Variants in NRXN3 observed in about 807,000 individuals in gnomAD.
The protein encoded by NRXN3 is neurexin 3.
A neutral mutation model predicts 137.6 loss-of-function variants in NRXN3; 32 were observed. That is an observed-to-expected ratio of 0.23 (90% CI 0.18 to 0.31). NRXN3 has a LOEUF of 0.31. Among genes scored for constraint, NRXN3 ranks in the 10% least tolerant of loss-of-function variants. The probability of loss-of-function intolerance (pLI) is 1.00; values close to 1 mark genes in which losing one functional copy is unlikely to be tolerated. For missense variants in NRXN3, 1,574 were observed against 2,062.5 expected (o/e 0.76, Z 4.59); for synonymous variants, 798 against 784.5 (o/e 1.02, Z -0.29).
chr14:79,850,879 C>T (rs898338881), intron 20 of NRXN3, among the ~76,000 whole-genome samples: 10 of 152,146 alleles, frequency 6.6e-5, no homozygotes, highest in African/African-American at 2.2e-4. Context: ...GATATACATG[C>T]ATTATATTCA....
rs549598030 is a variant in NRXN3, at chr14:78,650,692, G to T, written c.1060-473G>T. Among the ~76,000 whole-genome samples the T allele has an allele frequency of 2.0e-5, 3 of 151,840 alleles. No homozygotes were observed. In the South Asian group the frequency reaches 6.3e-4, roughly 32 times the overall value. ...AATAAAGATAAAAGAAAAGAAAAAA[G>T]AAAAGAAAAGAAAAAAGGAAAAATA... On this transcript the variant is annotated intron_variant, in intron 5 of 20. Transcript: ENST00000335750.
At chr14:78,324,831 G>C (rs539881746) in intron 4 of NRXN3, among the ~76,000 whole-genome samples, 1 of 152,074 alleles carries the variant, frequency 6.6e-6, no homozygotes, top group Non-Finnish European at 1.5e-5. Flanking sequence ...GGAGATGGGA[G>C]TGAAGGTTGT....
chr14:79,565,342 T>C (rs1036183164), intron 16 of NRXN3, among the ~76,000 whole-genome samples: 1 of 100,724 alleles, frequency 9.9e-6, no homozygotes, highest in African/African-American at 5.0e-5. Context: ...TATATACATA[T>C]GTGTGCGTAT....
At chr14:79,145,229 G>A (rs7156473) in intron 15 of NRXN3, among the ~76,000 whole-genome samples, 74,983 of 151,990 alleles carry the variant, frequency 0.49, 21,331 homozygotes, top group East Asian at 0.74. Flanking sequence ...TGATTATTTA[G>A]GTAAAGTATA....
intron 4 of NRXN3, among the ~76,000 whole-genome samples, chr14:78,358,492 C>G (rs985807021): frequency 3.9e-5 from 6 of 152,296 alleles, no homozygotes; most frequent in Non-Finnish European, 8.8e-5. Flanking sequence ...TCTGAGCGGG[C>G]TGGTATAACC....
At chr14:78,332,915 G>A (rs2081012003) in intron 4 of NRXN3, among the ~76,000 whole-genome samples, 1 of 152,158 alleles carries the variant, frequency 6.6e-6, no homozygotes, top group Admixed American at 6.5e-5. Context: ...TACTTGTAAG[G>A]CCAGCCTGCC....
At chr14:79,018,182 C>T (rs2099582533) in intron 15 of NRXN3, among the ~76,000 whole-genome samples, 1 of 139,300 alleles carries the variant, frequency 7.2e-6, no homozygotes, top group East Asian at 2.4e-4. Flanking sequence ...GTTGCTTGAA[C>T]CTGGGAGACG....
chr14:79,279,148 C>G (rs1438270653), intron 15 of NRXN3, among the ~76,000 whole-genome samples: 3 of 151,992 alleles, frequency 2.0e-5, no homozygotes, highest in East Asian at 3.9e-4. Context: ...CACGGCGGGG[C>G]GGGAGCCGCG....
chr14:78,880,790 A>G (rs540196515), intron 10 of NRXN3, among the ~76,000 whole-genome samples: 1 of 152,336 alleles, frequency 6.6e-6, no homozygotes, highest in South Asian at 2.1e-4. Flanking sequence ...ATGTGCCTAC[A>G]AGCAGAAAGC....
chr14:79,687,569 T>C (rs2098700458), intron 17 of NRXN3, among the ~76,000 whole-genome samples: 1 of 152,164 alleles, frequency 6.6e-6, no homozygotes, highest in Non-Finnish European at 1.5e-5. Flanking sequence ...AACAAAGCAA[T>C]AAAGAAAATT....
At chr14:79,159,272 C>G (rs1216927254) in intron 15 of NRXN3, among the ~76,000 whole-genome samples, 3 of 151,686 alleles carry the variant, frequency 2.0e-5, no homozygotes, top group African/African-American at 7.3e-5. Context: ...AGTGATGAAG[C>G]CATGTTTCAT....
chr14:78,225,729 A>G (rs1188052195), intron 1 of NRXN3, among the ~76,000 whole-genome samples: 1 of 152,012 alleles, frequency 6.6e-6, no homozygotes, highest in African/African-American at 2.4e-5. Context: ...CTTCCCGAAC[A>G]TCCCATGATC....
At chr14:78,467,701 G>C (rs2153725237) in intron 4 of NRXN3, among the ~76,000 whole-genome samples, 3 of 152,296 alleles carry the variant, frequency 2.0e-5, no homozygotes, top group Middle Eastern at 3.4e-3. Flanking sequence ...CACCACTGTA[G>C]ACATGCATGC....
chr14:78,660,525 T>C (rs1036673978), intron 6 of NRXN3, among the ~76,000 whole-genome samples: 7 of 152,090 alleles, frequency 4.6e-5, no homozygotes, highest in Admixed American at 4.6e-4. Context: ...GTTTTGTCTA[T>C]ATGTTGTAGG....
intron 15 of NRXN3, among the ~76,000 whole-genome samples, chr14:79,309,802 G>C (rs1005144104): frequency 6.1e-5 from 9 of 146,506 alleles, no homozygotes; most frequent in African/African-American, 2.4e-4. Context: ...TTGTAAATTT[G>C]TTTGAGTTCA....
intron 20 of NRXN3, among the ~76,000 whole-genome samples, chr14:79,828,825 A>G (rs1034039945): frequency 6.6e-6 from 1 of 152,026 alleles, no homozygotes; most frequent in African/African-American, 2.4e-5. Context: ...GAGAGACTCA[A>G]GACAGCATAC....
At chr14:78,227,165 C>T (rs1456384305) in intron 1 of NRXN3, among the ~76,000 whole-genome samples, 2 of 150,976 alleles carry the variant, frequency 1.3e-5, no homozygotes, top group Non-Finnish European at 3.0e-5. Context: ...TGTATTTTGC[C>T]ACCTTATCTA....
chr14:78,484,329 C>A (rs1289061755), intron 4 of NRXN3, among the ~76,000 whole-genome samples: 1 of 152,176 alleles, frequency 6.6e-6, no homozygotes, highest in Non-Finnish European at 1.5e-5. Flanking sequence ...AGCCCTTTGG[C>A]CTACTACCCT....
intron 15 of NRXN3, among the ~76,000 whole-genome samples, chr14:79,045,764 C>T (rs1016208275): frequency 1.3e-5 from 2 of 152,182 alleles, no homozygotes; most frequent in Admixed American, 1.3e-4. Context: ...TATTTGCCTC[C>T]TCCAGTTGCC....
Sources: gnomAD v4.1 joint callset for allele counts (sites outside exome capture counted in the v4.1 genomes callset) on GRCh38, gnomAD v4.1.1 for gene constraint, MANE v1.5 for transcripts, NCBI Gene and HGNC (gene_info 2026-07-23, HGNC 2026-07-21) for gene names.